The following ZNF787 variants were observed in gnomAD, a reference collection of about 807,000 sequenced individuals.
The protein encoded by ZNF787 is zinc finger protein 787.
Under a neutral mutation model 16.9 loss-of-function variants are expected in ZNF787, and 7 were observed. The observed-to-expected ratio is 0.42, with a 90% CI of 0.24 to 0.78. The LOEUF is 0.78. Among genes scored for constraint, ZNF787 ranks in the 30% least tolerant of loss-of-function variants. The probability of loss-of-function intolerance (pLI) is 0.30; values close to 1 mark genes in which losing one functional copy is unlikely to be tolerated. For synonymous variants in ZNF787, 345 were observed against 270.9 expected, an observed-to-expected ratio of 1.27 and a Z score of -2.69; for missense variants, 551 against 589.3, an observed-to-expected ratio of 0.94 and a Z score of 0.67.
chr19:56,088,875 G>A lies in ZNF787; in HGVS notation c.297C>T (p.Cys99=). 4 of 1,607,244 alleles carry A rather than the reference G, an allele frequency of 2.5e-6. No individual in the cohort carries two copies. The highest frequency in any genetic ancestry group is 3.4e-6 in the Non-Finnish European group (4 of 1,176,742). Residue 99 remains cysteine, a synonymous_variant, in exon 3 of 3, where the codon TGC becomes TGT. Coordinates refer to ENST00000610935, the MANE Select transcript of ZNF787 (RefSeq NM_001002836.4). The surrounding 1 kb of genome is among the most constrained non-coding windows in gnomAD (Gnocchi z 8.6). The part of the protein sequence containing the change: ...TGERPNACAD[C]GKTFSQSSHL... ...GCGAGCTCTGCGAGAAGGTCTTGCCGCAGTCGGCGCAGGCGTTGGGCCGCT... is the reference window on the plus strand; with the variant it reads ...GCGAGCTCTGCGAGAAGGTCTTGCCACAGTCGGCGCAGGCGTTGGGCCGCT...
intron 2 of ZNF787, chr19:56,102,567 C>G (rs555157796): frequency 4.4e-5 from 18 of 412,166 alleles, no homozygotes; most frequent in Admixed American, 4.1e-4. Context: ...ATTAAACAAA[C>G]AAAACACATT....
intron 2 of ZNF787, among the ~76,000 whole-genome samples, chr19:56,092,646 C>G (rs1480167856): frequency 6.6e-6 from 1 of 152,036 alleles, no homozygotes; most frequent in Non-Finnish European, 1.5e-5. Flanking sequence ...TTCAGCCCCA[C>G]GGAGAATCCT....
intron 2 of ZNF787, among the ~76,000 whole-genome samples, chr19:56,098,098 C>T (rs1458966807): frequency 6.6e-6 from 1 of 152,038 alleles, no homozygotes; most frequent in Admixed American, 6.5e-5. Flanking sequence ...GCCTGGGGCC[C>T]ATACAGCTCC....
chr19:56,092,765 TAC>T (rs1460743877), intron 2 of ZNF787, among the ~76,000 whole-genome samples: 6 of 150,530 alleles, frequency 4.0e-5, no homozygotes, highest in African/African-American at 9.8e-5. Context: ...TGGAATATCC[TAC>T]AGACACATGA....
chr19:56,087,800 G>C lies in ZNF787; in HGVS notation c.*223C>G. 1.5e-6 allele frequency: 1 copy of C among 674,218 alleles called. No individual in the cohort carries two copies. The highest frequency in any genetic ancestry group is 2.0e-6 in the Non-Finnish European group (1 of 488,016). The allele number at this position is 674,218 out of a possible 1,614,324, so 41.8% of individuals were successfully genotyped here. ...CAGGCCGATAACTTAGGAAGGGCGG[G>C]CCAGGCTGAGGGGGCAGAGTCTCGA... On this transcript the variant is annotated 3_prime_UTR_variant, in exon 3 of 3. Coordinates refer to ENST00000610935, the MANE Select transcript of ZNF787 (RefSeq NM_001002836.4).
At position 56,087,922 on chromosome 19, in the gene ZNF787, A is replaced by G. The variant is rs1985362918; in HGVS notation, c.*101T>C. 1.6e-6 allele frequency: 2 copies of G among 1,284,424 alleles called. No individual in the cohort carries two copies. Among genetic ancestry groups the G allele is most frequent in the East Asian group, 7.1e-5 (2 of 28,066 alleles). The allele number at this position is 1,284,424 out of a possible 1,614,324, so 79.6% of individuals were successfully genotyped here. On this transcript the variant is annotated 3_prime_UTR_variant, in exon 3 of 3. Transcript: ENST00000610935. ...GGGAGCCGGGGATGCCGCGGGGTCCATCGCACCCCGTCCGCTTCTCCCTGG... is the reference window on the plus strand; with the variant it reads ...GGGAGCCGGGGATGCCGCGGGGTCCGTCGCACCCCGTCCGCTTCTCCCTGG...
At chr19:56,102,131 T>TCA (rs1401652750) in intron 2 of ZNF787, 2 of 152,208 alleles carry the variant, frequency 1.3e-5, no homozygotes, top group Non-Finnish European at 2.9e-5. Flanking sequence ...ATCCCAAACT[T>TCA]CACCCCGGTC....
Position 56,088,282 on chromosome 19 carries a change from G to T in ZNF787, c.890C>A (p.Ala297Glu). Residue 297 changes from alanine (A) to glutamate (E), a missense_variant, in exon 3 of 3, where the codon GCG (alanine) becomes GAG (glutamate). Ala to Glu is a moderately radical substitution (Grantham distance 107). This residue lies in a region of ZNF787 where 392 missense variants were observed against 312.7 expected (regional missense o/e 1.25). Transcript: ENST00000610935. This position sits in a 1 kb window ranked among gnomAD's most constrained non-coding sequence, Gnocchi z 8.6. Reference protein sequence around the residue: ...KGFGHGAGLLAHQRAQHGDGL... With the variant: ...KGFGHGAGLLEHQRAQHGDGL... ...GTCCCCGTGCTGGGCCCGCTGGTGCGCCAGGAGCCCGGCCCCGTGCCCGAA... is the reference window on the plus strand; with the variant it reads ...GTCCCCGTGCTGGGCCCGCTGGTGCTCCAGGAGCCCGGCCCCGTGCCCGAA... 7.2e-7 allele frequency: 1 copy of T among 1,389,598 alleles called. No individual in the cohort carries two copies. Among genetic ancestry groups the T allele is most frequent in the Non-Finnish European group, 9.3e-7 (1 of 1,075,496 alleles). The allele number at this position is 1,389,598 out of a possible 1,614,324, so 86.1% of individuals were successfully genotyped here. A position where few individuals can be genotyped will look rare whatever the true frequency, so the allele number is the denominator to read the frequency against.
intron 2 of ZNF787, among the ~76,000 whole-genome samples, chr19:56,101,487 G>A (rs893928218): frequency 6.6e-6 from 1 of 152,232 alleles, no homozygotes; most frequent in African/African-American, 2.4e-5. Context: ...GAGAGTGAGT[G>A]TATGAGTGAC....
At chr19:56,105,575 C>T (rs1986271213) in intron 1 of ZNF787, 2 of 151,988 alleles carry the variant, frequency 1.3e-5, no homozygotes, top group East Asian at 1.9e-4. Context: ...TCCCCCGGCA[C>T]CTGCAGGAGG....
At chr19:56,112,420 G>A (rs1024984000) in intron 1 of ZNF787, among the ~76,000 whole-genome samples, 11 of 152,104 alleles carry the variant, frequency 7.2e-5, no homozygotes, top group Non-Finnish European at 1.5e-4. Context: ...GCAGGGGTGC[G>A]TTCCCCTCGC....
intron 2 of ZNF787, among the ~76,000 whole-genome samples, chr19:56,092,007 A>AAAGCCGAAACCG (rs796363939): frequency 7.9e-6 from 1 of 127,194 alleles, no homozygotes; most frequent in African/African-American, 2.8e-5. Context: ...AACGGAAGCC[A>AAAGCCGAAACCG]AAGCCGAAAC....
intron 1 of ZNF787, among the ~76,000 whole-genome samples, chr19:56,115,770 G>A (rs1455000451): frequency 6.6e-6 from 1 of 152,156 alleles, no homozygotes; most frequent in Non-Finnish European, 1.5e-5. Context: ...CCGAGAGGGC[G>A]AGAGAGAGGG....
In ZNF787 at chr19:56,088,161, C is replaced by G; in HGVS notation, c.1011G>C (p.Lys337Asn). ...CCGAGGGCGCGCCCACCGCGTGGAT[C>G]TTCTTGTGTCTCCGGAGCGCGGCGC... ...VQGAALRRHK[K>N]IHAVGAPSVC... Residue 337 changes from lysine (K) to asparagine (N), a missense_variant, in exon 3 of 3, where the codon AAG (lysine) becomes AAC (asparagine). Lys to Asn is a moderately conservative substitution (Grantham distance 94). Transcript: ENST00000610935. The surrounding 1 kb of genome is among the most constrained non-coding windows in gnomAD (Gnocchi z 8.6). 4.5e-6 allele frequency: 7 copies of G among 1,553,638 alleles called. No homozygotes were observed. The highest frequency in any genetic ancestry group is 1.2e-5 in the South Asian group (1 of 86,210).
At chr19:56,115,508 A>G (rs192125232) in intron 1 of ZNF787, among the ~76,000 whole-genome samples, 2,250 of 151,882 alleles carry the variant, frequency 0.015, 30 homozygotes, top group Non-Finnish European at 0.02. Flanking sequence ...ACAGGCGCCC[A>G]CCACCACGCC....
chr19:56,100,872 C>A (rs142764175), intron 2 of ZNF787, among the ~76,000 whole-genome samples: 1 of 137,628 alleles, frequency 7.3e-6, no homozygotes, highest in African/African-American at 2.8e-5. Context: ...ATAGGAGGGA[C>A]GCATGTAGGC....
At chr19:56,106,472 C>A (rs545742779) in intron 1 of ZNF787, among the ~76,000 whole-genome samples, 3 of 152,360 alleles carry the variant, frequency 2.0e-5, no homozygotes, top group Admixed American at 2.0e-4. Context: ...GGCCCCAGCC[C>A]GCCCGCGAGT....
chr19:56,097,232 G>A (rs568739770), intron 2 of ZNF787, among the ~76,000 whole-genome samples: 5 of 152,232 alleles, frequency 3.3e-5, no homozygotes, highest in Non-Finnish European at 5.9e-5. Context: ...CACACAGGAC[G>A]TGATTATGAA....
chr19:56,092,929 C>A (rs1985695046), intron 2 of ZNF787, among the ~76,000 whole-genome samples: 1 of 131,230 alleles, frequency 7.6e-6, no homozygotes, highest in African/African-American at 2.9e-5. Context: ...GAAGTGGGAT[C>A]CCCATAGACA....
Sources: gnomAD v4.1 joint callset for allele counts (sites outside exome capture counted in the v4.1 genomes callset) on GRCh38, gnomAD v4.1.1 for gene constraint, gnomAD v4.1.1 regional missense constraint, Gnocchi (gnomAD v3.1) non-coding constraint, MANE v1.5 for transcripts, NCBI Gene and HGNC (gene_info 2026-07-23, HGNC 2026-07-21) for gene names.